The following RFWD3 variants were observed in gnomAD, a reference collection of about 807,000 sequenced individuals.
The protein encoded by RFWD3 is E3 ubiquitin-protein ligase RFWD3.
Under a neutral mutation model 87.7 loss-of-function variants are expected in RFWD3, and 65 were observed. The observed-to-expected ratio is 0.74, with a 90% confidence interval of 0.61 to 0.91. The LOEUF is 0.91. Ranked by LOEUF, RFWD3 falls within the 40% of genes least tolerant of loss-of-function variation. The pLI is 0.00. For missense variants in RFWD3, 1,078 were observed against 938.5 expected, an observed-to-expected ratio of 1.15 and a Z score of -1.94; for synonymous variants, 433 against 352.8, an observed-to-expected ratio of 1.23 and a Z score of -2.55.
chr16:74,644,289 T>G, intron 6 of RFWD3, 73 bp downstream of exon 6: 1 of 1,454,456 alleles, frequency 6.9e-7, no homozygotes, highest in Non-Finnish European at 9.6e-7. Flanking sequence ...GAGTGACTCA[T>G]AACTTCTTTT....
chr16:74,653,794 C>G (rs1374042347), intron 2 of RFWD3, among the ~76,000 whole-genome samples: 2 of 152,024 alleles, frequency 1.3e-5, no homozygotes, highest in Non-Finnish European at 2.9e-5. Context: ...AATTTTATTC[C>G]TAATAGTTTG....
At chr16:74,641,813 C>G (rs1341741445) in intron 6 of RFWD3, among the ~76,000 whole-genome samples, 1 of 150,446 alleles carries the variant, frequency 6.6e-6, no homozygotes, top group South Asian at 2.1e-4. Flanking sequence ...GTAATCCCGG[C>G]TACTTGGGAG....
intron 10 of RFWD3, among the ~76,000 whole-genome samples, chr16:74,629,166 C>T (rs1035430336): frequency 6.6e-6 from 1 of 152,184 alleles, no homozygotes; most frequent in African/African-American, 2.4e-5. Context: ...CAGGACTATG[C>T]GCCAAGAATT....
chr16:74,627,857 G>T (rs1488602822), intron 11 of RFWD3, among the ~76,000 whole-genome samples: 1 of 152,148 alleles, frequency 6.6e-6, no homozygotes, highest in Non-Finnish European at 1.5e-5. Context: ...GAGACCTCAA[G>T]ACCAAATTAG....
chr16:74,653,297 C>T (rs904492379), intron 2 of RFWD3, among the ~76,000 whole-genome samples: 1 of 151,778 alleles, frequency 6.6e-6, no homozygotes, highest in African/African-American at 2.4e-5. Context: ...CATGATGGTG[C>T]CCATACTCCA....
At position 74,644,370 on chromosome 16, in the gene RFWD3, G is replaced by T; in HGVS notation, c.1071C>A (p.Arg357=). The T allele has an allele frequency of 6.2e-7, 1 of 1,614,014 alleles. No homozygotes were observed. Among genetic ancestry groups the T allele is most frequent in the South Asian group, 1.1e-5 (1 of 91,078 alleles). ...ATACTCTTACCACCTACCTTTTCAT[G>T]CGCTCCTGTTCACTAGTGTCCAAAG... is the stretch of plus-strand genomic sequence containing the variant. ...LRALDTSEQE[R]MKSSLLKEQM... is the part of the protein sequence containing the mutation. Residue 357 remains arginine, a synonymous_variant, in exon 6 of 13, where the codon CGC becomes CGA. Coordinates refer to ENST00000361070, the MANE Select transcript of RFWD3 (RefSeq NM_018124.4).
chr16:74,628,328 A>G (rs942032500), intron 11 of RFWD3, 124 bp downstream of exon 11: 3 of 850,164 alleles, frequency 3.5e-6, no homozygotes, highest in Non-Finnish European at 3.7e-6. Flanking sequence ...AGCAAGAGCT[A>G]CAACACACCT....
rs772089430 is a variant in RFWD3 at position 74,632,465 on chromosome 16, T to G, written c.1577+58A>C. 3.8e-6 allele frequency: 6 copies of G among 1,565,796 alleles called. No individual in the cohort carries two copies. In the East Asian group the frequency reaches 1.4e-4, roughly 35 times the overall value. ...AAGGTCATCATAACACCGATACGAA[T>G]TCCATGCTACTCAACACCAAAGAGC... On this transcript the variant is annotated intron_variant, in intron 9 of 12. Transcript: ENST00000361070.
chr16:74,656,844 T>G (rs1961024944), intron 2 of RFWD3, among the ~76,000 whole-genome samples: 1 of 152,170 alleles, frequency 6.6e-6, no homozygotes, highest in Admixed American at 6.6e-5. Flanking sequence ...TTAGAAGAAG[T>G]TGATGTCAAC....
chr16:74,652,116 T>C lies in RFWD3; in HGVS notation c.525A>G (p.Arg175=), dbSNP rs747865334. The change falls in exon 3 of 13, where the codon AGA becomes AGG. Residue 175 remains arginine, a synonymous_variant. Coordinates refer to ENST00000361070, the MANE Select transcript of RFWD3 (RefSeq NM_018124.4). The stretch of plus-strand genomic sequence containing the variant: ...CCTGAAAGTAAGCATCCAATGGTGC[T>C]CTCAACCTATGTACACAGAAAGACA... ...GSQRTDSARL[R]APLDAYFQVS... 6.2e-7 allele frequency: 1 copy of C among 1,613,822 alleles called. No individual in the cohort carries two copies. The highest frequency in any genetic ancestry group is 1.7e-5 in the Admixed American group (1 of 59,962).
chr16:74,657,542 C>T (rs1223239919), intron 2 of RFWD3, among the ~76,000 whole-genome samples: 1 of 146,014 alleles, frequency 6.8e-6, no homozygotes. Flanking sequence ...GTGGCGCAAT[C>T]TCGGCTCACT....
intron 7 of RFWD3, among the ~76,000 whole-genome samples, chr16:74,637,049 G>C (rs1220837500): frequency 6.9e-6 from 1 of 144,824 alleles, no homozygotes; most frequent in Non-Finnish European, 1.5e-5. Flanking sequence ...CAACAAGCAA[G>C]TGAAATAAGG....
rs1330497228 is a variant in RFWD3 at position 74,644,436 on chromosome 16, C to T, written c.1005G>A (p.Arg335=). 1 of 1,614,102 alleles carries T rather than the reference C, an allele frequency of 6.2e-7. No homozygotes were observed. The highest frequency in any genetic ancestry group is 1.3e-5 in the African/African-American group (1 of 74,936). ...CATAAAGGACGACAATGTCACTGTG[C>T]CTGGCTTTCTTGTTGCACTAAAGAA... ...RKCPQCNKKA[R]HSDIVVLYAR... Residue 335 remains arginine (R), a synonymous_variant, in exon 6 of 13, where the codon AGG becomes AGA. Coordinates refer to ENST00000361070, the MANE Select transcript of RFWD3 (RefSeq NM_018124.4).
At chr16:74,641,110 T>G (rs909820573) in intron 6 of RFWD3, among the ~76,000 whole-genome samples, 1 of 152,106 alleles carries the variant, frequency 6.6e-6, no homozygotes, top group African/African-American at 2.4e-5. Flanking sequence ...GCATGGCTAA[T>G]ATTAACAAGT....
rs1959137565 is a variant in RFWD3, at chr16:74,632,644, T to C, written c.1456A>G (p.Asn486Asp). ...GFGVKMLSTA[N>D]MKSSQYIPMH... ...GGAATGTACTGACTGCTCTTCATGT[T>C]GGCAGTACTCAACATCTTAACACCA... Residue 486 changes from asparagine to aspartate, a missense_variant, in exon 9 of 13, where the codon AAC becomes GAC. Coordinates refer to ENST00000361070, the MANE Select transcript of RFWD3 (RefSeq NM_018124.4). The C allele has an allele frequency of 6.2e-7, 1 of 1,614,018 alleles. No homozygotes were observed. Among genetic ancestry groups the C allele is most frequent in the African/African-American group, 1.3e-5 (1 of 74,926 alleles).
intron 1 of RFWD3, chr16:74,664,714 A>T (rs1961740121): frequency 6.6e-6 from 1 of 151,854 alleles, no homozygotes; most frequent in African/African-American, 2.4e-5. Flanking sequence ...ACGCCACTGC[A>T]CTCCAGACCG....
At chr16:74,630,166 G>A (rs528943740) in intron 10 of RFWD3, among the ~76,000 whole-genome samples, 2 of 152,230 alleles carry the variant, frequency 1.3e-5, no homozygotes, top group East Asian at 1.9e-4. Context: ...CGCAATCTCG[G>A]CTCACCGCAA....
At chr16:74,631,809 CG>C in intron 9 of RFWD3, among the ~76,000 whole-genome samples, 1 of 152,094 alleles carries the variant, frequency 6.6e-6, no homozygotes, top group East Asian at 2.0e-4. Flanking sequence ...ACTTTAAAGA[CG>C]GGGTTTCACC....
chr16:74,640,561 T>C lies in RFWD3; in HGVS notation c.1080-2591A>G, dbSNP rs182940452. ...CTGTACTCCCAGCTACTCAGGATGC[T>C]GAGGTTGGAGGACTGCTTGAGCCTA... On this transcript the variant is annotated intron_variant, in intron 6 of 12. Transcript: ENST00000361070. Among the ~76,000 whole-genome samples, 429 of 152,256 alleles carry C rather than the reference T, an allele frequency of 2.8e-3. 2 individuals carry two copies. Among genetic ancestry groups the C allele is most frequent in the Non-Finnish European group, 4.7e-3 (320 of 68,022 alleles).
Sources: gnomAD v4.1 joint callset for allele counts (sites outside exome capture counted in the v4.1 genomes callset) on GRCh38, gnomAD v4.1.1 for gene constraint, MANE v1.5 for transcripts, NCBI Gene and HGNC (gene_info 2026-07-23, HGNC 2026-07-21) for gene names.